Variants in ATP2B1 observed in about 807,000 individuals in gnomAD.
ATP2B1 encodes the protein plasma membrane calcium-transporting ATPase 1.
In ATP2B1, 14 loss-of-function variants were observed where a neutral mutation model predicts 124.2. The observed-to-expected ratio is 0.11, with a 90% confidence interval of 0.07 to 0.18. ATP2B1 has a LOEUF of 0.18. Among genes scored for constraint, ATP2B1 ranks in the 10% least tolerant of loss-of-function variants. The pLI is 1.00. For missense variants in ATP2B1, 763 were observed against 1,466.1 expected (o/e 0.52, Z 7.83); for synonymous variants, 449 against 492.4 (o/e 0.91, Z 1.17).
intron 5 of ATP2B1, 45 bp downstream of exon 5, chr12:89,634,733 G>C (rs1190883351): frequency 2.0e-6 from 3 of 1,510,472 alleles, no homozygotes; most frequent in Non-Finnish European, 2.7e-6. Flanking sequence ...ATGGTACATA[G>C]TTGCGAAAGA....
intron 1 of ATP2B1, among the ~76,000 whole-genome samples, chr12:89,706,821 C>T (rs539165430): frequency 6.6e-6 from 1 of 152,236 alleles, no homozygotes; most frequent in Admixed American, 6.5e-5. Context: ...CTCACTTTTG[C>T]AGACTATATG....
At chr12:89,655,423 C>T (rs1357542462) in intron 2 of ATP2B1, among the ~76,000 whole-genome samples, 1 of 152,150 alleles carries the variant, frequency 6.6e-6, no homozygotes, top group Non-Finnish European at 1.5e-5. Context: ...TTATCATAAA[C>T]AGGAAGCAGT....
At chr12:89,634,931 C>T in intron 4 of ATP2B1, 28 bp from the exon 5 acceptor site, 1 of 1,610,548 alleles carries the variant, frequency 6.2e-7, no homozygotes, top group Non-Finnish European at 8.5e-7. Flanking sequence ...ATATACTAAA[C>T]TTATAAACAA....
At chr12:89,695,659 A>G (rs181310521) in intron 1 of ATP2B1, among the ~76,000 whole-genome samples, 1 of 152,020 alleles carries the variant, frequency 6.6e-6, no homozygotes, top group Admixed American at 6.6e-5. Context: ...AAAAAGATAG[A>G]TACATTAATC....
Position 89,621,537 on chromosome 12 carries a change from C to A in ATP2B1, c.1587+12G>T. ...AAAAATTAATTTTCATAAATTATTT[C>A]AAAAACCTTACCAATATTTTTGATG... is the stretch of plus-strand genomic sequence containing the variant. On this transcript the variant is annotated intron_variant, in intron 10 of 20. Transcript: ENST00000428670. 1.3e-6 allele frequency: 2 copies of A among 1,496,856 alleles called. No individual in the cohort carries two copies. Among genetic ancestry groups the A allele is most frequent in the Middle Eastern group, 2.1e-4 (1 of 4,856 alleles). 92.7% of individuals were successfully genotyped at this position (1,496,856 alleles called of 1,614,324 possible). A position where few individuals can be genotyped will look rare whatever the true frequency, so the allele number is the denominator to read the frequency against.
intron 1 of ATP2B1, among the ~76,000 whole-genome samples, chr12:89,665,583 T>A (rs566199887): frequency 2.6e-5 from 4 of 152,216 alleles, no homozygotes; most frequent in African/African-American, 9.6e-5. Context: ...GTTTACCAAA[T>A]ATAAGAACAT....
chr12:89,609,065 A>T (rs1438437104), intron 15 of ATP2B1, among the ~76,000 whole-genome samples: 2 of 152,330 alleles, frequency 1.3e-5, no homozygotes, highest in East Asian at 1.9e-4. Context: ...GCAAAATATC[A>T]GGGGGACAAA....
At chr12:89,611,426 A>C (rs779036034) in intron 12 of ATP2B1, 54 bp from the exon 13 acceptor site, 18 of 1,428,616 alleles carry the variant, frequency 1.3e-5, no homozygotes, top group African/African-American at 2.9e-5. Context: ...TTTTAGAAGG[A>C]AAAATATTTC....
rs1485135200 is a variant in ATP2B1, at chr12:89,642,372, A to G, written c.209-17T>C. The G allele has an allele frequency of 6.3e-7, 1 of 1,581,208 alleles. No individual in the cohort carries two copies. The highest frequency in any genetic ancestry group is 1.4e-5 in the African/African-American group (1 of 73,432). On this transcript the variant is annotated splice_polypyrimidine_tract_variant and intron_variant, in intron 2 of 20. Transcript: ENST00000428670. ...CACTTAAACCTAATAAAAAGAAACA[A>G]ATTTCAGTGAACAGTTTTACTTCTT... is the stretch of plus-strand genomic sequence containing the variant.
chr12:89,682,079 A>G (rs1889425139), intron 1 of ATP2B1, among the ~76,000 whole-genome samples: 1 of 152,188 alleles, frequency 6.6e-6, no homozygotes, highest in South Asian at 2.1e-4. Flanking sequence ...AATAGCCTTT[A>G]TATACACAAC....
At position 89,595,782 on chromosome 12, in the gene ATP2B1, A is replaced by C. The variant is rs560660425; in HGVS notation, c.3351+3335T>G. Among the ~76,000 whole-genome samples the C allele has an allele frequency of 4.4e-4, 67 of 152,150 alleles. 1 individual carries two copies. Among genetic ancestry groups the C allele is most frequent in the Admixed American group, 1.3e-4 (2 of 15,248 alleles). ...ACATAATTACTGCAACTCTTGGTGT[A>C]TAATGACAACTGTATTAACGAGATA... On this transcript the variant is annotated intron_variant, in intron 20 of 20. Transcript: ENST00000428670.
At chr12:89,637,873 G>C (rs943783378) in intron 3 of ATP2B1, among the ~76,000 whole-genome samples, 3 of 152,146 alleles carry the variant, frequency 2.0e-5, no homozygotes, top group African/African-American at 7.2e-5. Context: ...GGAGGGGAAA[G>C]AATTACGGAC....
chr12:89,594,602 A>AC (rs1413827450), intron 20 of ATP2B1: 1 of 151,294 alleles, frequency 6.6e-6, no homozygotes, highest in Non-Finnish European at 1.5e-5. Flanking sequence ...GAGAAAAAAA[A>AC]AAACAAAAAT....
intron 1 of ATP2B1, among the ~76,000 whole-genome samples, chr12:89,677,969 TATACACACACACACACACACAC>T (rs1888859541): frequency 1.7e-5 from 1 of 59,538 alleles, no homozygotes; most frequent in African/African-American, 5.9e-5. Flanking sequence ...TATATATATA[TATACACACACACACACACACAC>T]ACACACACAC....
rs890707548 is a variant in ATP2B1 at position 89,619,628 on chromosome 12, A to G, written c.1829+371T>C. Among the ~76,000 whole-genome samples the G allele has an allele frequency of 8.6e-5, 13 of 151,304 alleles. 1 individual carries two copies. The highest frequency in any genetic ancestry group is 3.1e-4 in the African/African-American group (13 of 41,304). The stretch of plus-strand genomic sequence containing the variant: ...TCCACCTTAAACAAATAAAAAAAAA[A>G]AAAAAAAGAAAGAAAGAAAGACATA... On this transcript the variant is annotated intron_variant, in intron 11 of 20. Coordinates refer to ENST00000428670, the MANE Select transcript of ATP2B1 (RefSeq NM_001366521.1).
Position 89,620,226 on chromosome 12 carries a change from C to G in ATP2B1, c.1602G>C (p.Glu534Asp), listed in dbSNP as rs780723685. The G allele has an allele frequency of 4.3e-6, 7 of 1,613,960 alleles. No individual in the cohort carries two copies. The highest frequency in any genetic ancestry group is 5.9e-6 in the Non-Finnish European group (7 of 1,179,896). ...YTSKILPPEK[E>D]GGLPRHVGNK... ...TACCAACGTGACGAGGTAATCCACC[C>G]TCTTTCTCTGGTGGCTATAAGAGAA... Residue 534 changes from glutamate (E) to aspartate (D), a missense_variant, in exon 11 of 21, where the codon GAG (glutamate) becomes GAC (aspartate). Glu to Asp is a conservative substitution (Grantham distance 45). Transcript: ENST00000428670.
At chr12:89,624,141 G>C in intron 9 of ATP2B1, 42 bp downstream of exon 9, 1 of 1,567,946 alleles carries the variant, frequency 6.4e-7, no homozygotes, top group South Asian at 1.1e-5. Flanking sequence ...ACCAGCTAAG[G>C]CTTTAAACAT....
At chr12:89,651,227 TG>T (rs768961305) in intron 2 of ATP2B1, among the ~76,000 whole-genome samples, 10 of 152,186 alleles carry the variant, frequency 6.6e-5, no homozygotes, top group Non-Finnish European at 1.0e-4. Flanking sequence ...AAGTGATAAA[TG>T]GGCAAGACAA....
chr12:89,660,199 T>G (rs1472038158), intron 1 of ATP2B1, among the ~76,000 whole-genome samples: 1 of 152,154 alleles, frequency 6.6e-6, no homozygotes. Context: ...TCCTAATTCC[T>G]GAATGATTCG....
Sources: allele counts gnomAD v4.1 joint callset (sites outside exome capture counted in the v4.1 genomes callset), GRCh38; gene constraint gnomAD v4.1.1; transcripts MANE v1.5; gene names NCBI Gene and HGNC (gene_info 2026-07-23, HGNC 2026-07-21).